The following STK11IP variants were observed in gnomAD, a reference collection of about 807,000 sequenced individuals.
STK11IP encodes serine/threonine kinase 11 interacting protein, also known as serine/threonine-protein kinase 11-interacting protein.
Under a neutral mutation model 131.7 loss-of-function variants are expected in STK11IP, and 103 were observed. That is an observed-to-expected ratio of 0.78 (90% CI 0.67 to 0.92). The LOEUF is 0.92. Ranked by LOEUF, STK11IP falls within the 40% of genes least tolerant of loss-of-function variation. STK11IP has a pLI of 0.00. For synonymous variants in STK11IP, 557 were observed against 575.6 expected (o/e 0.97, Z 0.46); for missense variants, 1,315 against 1,385.7 (o/e 0.95, Z 0.81).
In STK11IP at chr2:219,608,730, G is replaced by A; in HGVS notation, c.1751G>A (p.Ser584Asn). ...ARTLERLELQ[S>N]LEAAEIEPEA... ...ACCTTGGAGCGACTGGAGCTCCAGA[G>A]TCTGGAGGCAGCTGAGATAGAGCCG... Residue 584 changes from serine to asparagine, a missense_variant, in exon 15 of 25, where the codon AGT becomes AAT. By Grantham distance (46) the Ser-to-Asn change is conservative. Transcript: ENST00000456909. 1 of 1,612,854 alleles carries A rather than the reference G, an allele frequency of 6.2e-7. No individual in the cohort carries two copies. The highest frequency in any genetic ancestry group is 1.1e-5 in the South Asian group (1 of 90,906).
chr2:219,615,143 C>T lies in STK11IP; in HGVS notation c.2919C>T (p.Phe973=), dbSNP rs1157519546. Residue 973 remains phenylalanine (F), a synonymous_variant, in exon 24 of 25, where the codon TTC becomes TTT. Transcript: ENST00000456909. ...TGTTGCTGACTCCGTCCACCCTGTT[C>T]CTGTTAGATGAGGATGCTGCAGGGT... is the stretch of plus-strand genomic sequence containing the variant. ...VSLLLTPSTL[F]LLDEDAAGSP... is the part of the protein sequence containing the mutation. 6.2e-7 allele frequency: 1 copy of T among 1,608,342 alleles called. No homozygotes were observed. The highest frequency in any genetic ancestry group is 2.2e-5 in the East Asian group (1 of 44,804).
At chr2:219,615,492 TG>T (rs1698544905) in intron 24 of STK11IP, among the ~76,000 whole-genome samples, 151 bp downstream of exon 24, 1 of 147,734 alleles carries the variant, frequency 6.8e-6, no homozygotes. Context: ...TTGGAGGAAC[TG>T]GGGGACTCTA....
rs1017860540 is a variant in STK11IP, at chr2:219,609,707, A to C, written c.2104+167A>C. ...AAAACCGTCTGCCTGCTGCATTTAC[A>C]AAAAGGAAAACAGAAAAAAAGAAGA... On this transcript the variant is annotated intron_variant, in intron 17 of 24. Coordinates refer to ENST00000456909, the MANE Select transcript of STK11IP (RefSeq NM_052902.4). The C allele has an allele frequency of 2.1e-5, 16 of 763,998 alleles. 1 individual carries two copies. Among genetic ancestry groups the C allele is most frequent in the African/African-American group, 1.4e-4 (8 of 56,122 alleles). 47.3% of individuals were successfully genotyped at this position (763,998 alleles called of 1,614,324 possible).
Position 219,614,168 on chromosome 2 carries a change from G to T in STK11IP, c.2724G>T (p.Leu908Phe). 6.2e-7 allele frequency: 1 copy of T among 1,613,476 alleles called. No individual in the cohort carries two copies. Among genetic ancestry groups the T allele is most frequent in the Non-Finnish European group, 8.5e-7 (1 of 1,179,724 alleles). ...RAFLEELLDV[L>F]QSLPPAWRNC... is the part of the protein sequence containing the mutation. ...TGGCCTGCCTCTGTCTAGATGTCTTGCAGTCTCTGCCCCCTGCCTGGAGGA... is the reference window on the plus strand; with the variant it reads ...TGGCCTGCCTCTGTCTAGATGTCTTTCAGTCTCTGCCCCCTGCCTGGAGGA... The change falls in exon 22 of 25, where the codon TTG becomes TTT. Residue 908 changes from leucine (L) to phenylalanine (F), a missense_variant. Physicochemically the swap from Leu to Phe is conservative, Grantham distance 22 (BLOSUM62 0). Coordinates refer to ENST00000456909, the MANE Select transcript of STK11IP (RefSeq NM_052902.4).
At chr2:219,607,882 A>G (rs558204312) in intron 13 of STK11IP, among the ~76,000 whole-genome samples, 165 bp from the exon 14 acceptor site, 8 of 152,286 alleles carry the variant, frequency 5.3e-5, no homozygotes, top group African/African-American at 1.9e-4. Context: ...AGGGTTCCAT[A>G]GGACACGCTT....
chr2:219,599,008 A>G (rs554677428), intron 2 of STK11IP, among the ~76,000 whole-genome samples: 16 of 152,252 alleles, frequency 1.1e-4, no homozygotes, highest in African/African-American at 3.9e-4. Flanking sequence ...TACATACTAC[A>G]GTTAATGTTA....
At chr2:219,615,399 G>A in intron 24 of STK11IP, 58 bp downstream of exon 24, 1 of 1,556,780 alleles carries the variant, frequency 6.4e-7, no homozygotes, top group South Asian at 1.2e-5. Context: ...CACAGGTTGG[G>A]GCCATGAGGG....
chr2:219,609,137 G>A lies in STK11IP; in HGVS notation c.1850G>A (p.Arg617His), dbSNP rs1205571061. ...LLPGAPILSLRFSYICPDRQL... is the reference protein window; with the variant it reads ...LLPGAPILSLHFSYICPDRQL... ...CCTGGAGCCCCCATCCTCAGTCTGC[G>A]CTTCTCCTACATCTGCCCTGACCGG... Residue 617 changes from arginine (R) to histidine (H), a missense_variant, in exon 16 of 25, where the codon CGC becomes CAC. Coordinates refer to ENST00000456909, the MANE Select transcript of STK11IP (RefSeq NM_052902.4). 1.1e-5 allele frequency: 18 copies of A among 1,609,428 alleles called. No individual in the cohort carries two copies. Among genetic ancestry groups the A allele is most frequent in the East Asian group, 4.5e-5 (2 of 44,738 alleles).
chr2:219,614,308 G>A, intron 22 of STK11IP, 66 bp downstream of exon 22: 8 of 1,592,896 alleles, frequency 5.0e-6, no homozygotes, highest in Non-Finnish European at 3.4e-6. Context: ...CCCCAGACAT[G>A]GCCCTGTGCT....
At chr2:219,606,906 C>T (rs371724745) in intron 12 of STK11IP, 48 bp downstream of exon 12, 58 of 1,589,908 alleles carry the variant, frequency 3.6e-5, no homozygotes, top group East Asian at 1.1e-4. Context: ...GGTGTCTCTC[C>T]GGGGACTCTG....
At position 219,601,664 on chromosome 2, in the gene STK11IP, C is replaced by A; in HGVS notation, c.291C>A (p.Gly97=). Residue 97 remains glycine (G), a synonymous_variant, in exon 4 of 25, where the codon GGC becomes GGA. Transcript: ENST00000456909. ...AGCTGGTCCATGTTGCTGGTCCTGG[C>A]CCCACAGGGCCCATCAAGATTTTCC... is the stretch of plus-strand genomic sequence containing the variant. ...SLKLVHVAGP[G]PTGPIKIFPF... The A allele has an allele frequency of 6.3e-7, 1 of 1,597,884 alleles. No individual in the cohort carries two copies. Among genetic ancestry groups the A allele is most frequent in the Non-Finnish European group, 8.5e-7 (1 of 1,172,744 alleles).
chr2:219,615,007 C>A, intron 23 of STK11IP, 87 bp from the exon 24 acceptor site: 1 of 1,478,396 alleles, frequency 6.8e-7, no homozygotes, highest in Non-Finnish European at 9.0e-7. Context: ...TGGTTCACAC[C>A]TCTTCTCCCC....
At position 219,608,282 on chromosome 2, in the gene STK11IP, A is replaced by G. The variant is rs761586259; in HGVS notation, c.1455A>G (p.Lys485=). The change falls in exon 14 of 25, where the codon AAA becomes AAG. Residue 485 remains lysine, a synonymous_variant. Coordinates refer to ENST00000456909, the MANE Select transcript of STK11IP (RefSeq NM_052902.4). The part of the protein sequence containing the change: ...EARGPQESPQ[K]MSEEVRAEPQ... ...GAGGCCCCCAGGAGTCACCACAGAA[A>G]ATGTCAGAGGAGGTCAGGGCGGAGC... The G allele has an allele frequency of 2.5e-6, 4 of 1,612,860 alleles. No individual in the cohort carries two copies. In the African/African-American group the frequency reaches 4.0e-5, roughly 16 times the overall value.
At position 219,616,181 on chromosome 2, in the gene STK11IP, C is replaced by T; in HGVS notation, c.3255C>T (p.Ala1085=). 2 of 1,613,350 alleles carry T rather than the reference C, an allele frequency of 1.2e-6. No homozygotes were observed. Among genetic ancestry groups the T allele is most frequent in the Non-Finnish European group, 1.7e-6 (2 of 1,179,774 alleles). ...GGACAGTGATCCAAGAGGCGCTGGC[C>T]CTTGACCGATGAGGGTCCCACGCTG... ...GLRTVIQEAL[A]LDR is the part of the protein sequence containing the mutation. Residue 1085 remains alanine, a synonymous_variant, in exon 25 of 25, where the codon GCC becomes GCT. Transcript: ENST00000456909.
Position 219,602,032 on chromosome 2 carries a change from C to G in STK11IP, c.387C>G (p.Ile129Met), listed in dbSNP as rs1559176796. 6.2e-7 allele frequency: 1 copy of G among 1,611,724 alleles called. No individual in the cohort carries two copies. ...PLHCLHGLRG[I>M]YSQLETLICS... The stretch of plus-strand genomic sequence containing the variant: ...ACTGTCTGCATGGCCTCCGAGGCAT[C>G]TACTCCCAGCTGGAGACCCTGATTT... The change falls in exon 5 of 25, where the codon ATC becomes ATG. Residue 129 changes from isoleucine to methionine, a missense_variant. Transcript: ENST00000456909.
Position 219,608,325 on chromosome 2 carries a change from GAGA to G in STK11IP, c.1501_1503del (p.Lys501del), listed in dbSNP as rs1392474129. 5 of 1,601,538 alleles carry G rather than the reference GAGA, an allele frequency of 3.1e-6. No individual in the cohort carries two copies. The highest frequency in any genetic ancestry group is 1.3e-5 in the African/African-American group (1 of 74,548). On this transcript the variant is annotated inframe_deletion, in exon 14 of 25. Transcript: ENST00000456909. ...GGCGGAGCCACAGGAGGAGGAAGAGGAGAAGGAGGGGAAGGAGGAGAAGGAGGA... is the reference window on the plus strand; with the variant it reads ...GGCGGAGCCACAGGAGGAGGAAGAGGAGGAGGGGAAGGAGGAGAAGGAGGA...
chr2:219,601,536 G>C, intron 3 of STK11IP, 96 bp downstream of exon 3: 1 of 1,556,300 alleles, frequency 6.4e-7, no homozygotes, highest in Non-Finnish European at 8.7e-7. Context: ...GCAGTGCCAG[G>C]ATCCAGAGGG....
chr2:219,614,953 T>G (rs1698525705), intron 23 of STK11IP, 141 bp from the exon 24 acceptor site: 2 of 1,028,962 alleles, frequency 1.9e-6, no homozygotes, highest in African/African-American at 1.6e-5. Flanking sequence ...AGGGAGGGTC[T>G]TGGCCCCAGG....
Position 219,613,907 on chromosome 2 carries a change from G to A in STK11IP, c.2693G>A (p.Arg898Gln), listed in dbSNP as rs1377425935. 3.7e-6 allele frequency: 6 copies of A among 1,608,704 alleles called. No homozygotes were observed. The Admixed American group carries it at 6.7e-5, about 18-fold the overall frequency. The change falls in exon 21 of 25, where the codon CGG becomes CAG. Residue 898 changes from arginine (R) to glutamine (Q), a missense_variant. Transcript: ENST00000456909. ...CTGCCCCGAGATGCCAGGCATTGCC[G>A]GGCCTTCCTAGAGGAGCTCCTTGGT... Reference protein sequence around the residue: ...VLLPRDARHCRAFLEELLDVL... With the variant: ...VLLPRDARHCQAFLEELLDVL...
Sources: allele counts gnomAD v4.1 joint callset (sites outside exome capture counted in the v4.1 genomes callset), GRCh38; gene constraint gnomAD v4.1.1; transcripts MANE v1.5; gene names NCBI Gene and HGNC (gene_info 2026-07-23, HGNC 2026-07-21).